The following KIF21A variants were observed in gnomAD, a reference collection of about 807,000 sequenced individuals.
The protein encoded by KIF21A is kinesin family member 21A.
A neutral mutation model predicts 202.9 loss-of-function variants in KIF21A; 114 were observed. The observed-to-expected ratio is 0.56, with a 90% CI of 0.48 to 0.66. The LOEUF (loss-of-function observed/expected upper bound fraction) is 0.66, where lower values mean the gene tolerates loss of function less well. Ranked by LOEUF, KIF21A falls within the 30% of genes least tolerant of loss-of-function variation. The pLI, the probability that KIF21A is intolerant of heterozygous loss-of-function variation, is 0.00. For missense variants in KIF21A, 1,677 were observed against 1,994.9 expected, an observed-to-expected ratio of 0.84 and a Z score of 3.04; for synonymous variants, 667 against 670.8, an observed-to-expected ratio of 0.99 and a Z score of 0.09.
At chr12:39,357,692 G>A (rs1464946734) in intron 8 of KIF21A, among the ~76,000 whole-genome samples, 4 of 151,524 alleles carry the variant, frequency 2.6e-5, no homozygotes, top group Admixed American at 6.6e-5. Context: ...GGCAGATCAC[G>A]TGAGGTCAGG....
At chr12:39,417,332 C>G (rs1335935006) in intron 1 of KIF21A, among the ~76,000 whole-genome samples, 1 of 152,040 alleles carries the variant, frequency 6.6e-6, no homozygotes, top group African/African-American at 2.4e-5. Flanking sequence ...ACAGAAAATT[C>G]TCCAGTAGAT....
intron 1 of KIF21A, among the ~76,000 whole-genome samples, chr12:39,428,417 C>T (rs1954926793): frequency 6.6e-6 from 1 of 152,146 alleles, no homozygotes; most frequent in South Asian, 2.1e-4. Context: ...TCAACCCAAA[C>T]AAAACTAGTT....
rs560662403 is a variant in KIF21A, at chr12:39,346,412, G to A, written c.1712+54C>T. On this transcript the variant is annotated intron_variant, in intron 12 of 37. Transcript: ENST00000361418. Reference sequence around the variant, plus strand: ...TACTATAACACATTTCCTTGTGAATGGCAACTAAGTATTTAAACGACATTT... The same window carrying A: ...TACTATAACACATTTCCTTGTGAATAGCAACTAAGTATTTAAACGACATTT... 208 of 1,284,034 alleles carry A rather than the reference G, an allele frequency of 1.6e-4. 2 individuals are homozygous for A. The South Asian group carries it at 3.5e-3, about 21-fold the overall frequency. The allele number at this position is 1,284,034 out of a possible 1,614,324, so 79.5% of individuals were successfully genotyped here. A position where few individuals can be genotyped will look rare whatever the true frequency, so the allele number is the denominator to read the frequency against.
At chr12:39,369,441 C>A (rs1394465058) in intron 3 of KIF21A, among the ~76,000 whole-genome samples, 1 of 152,046 alleles carries the variant, frequency 6.6e-6, no homozygotes, top group African/African-American at 2.4e-5. Flanking sequence ...ACCTGGGTGA[C>A]AGAATGAGAC....
At chr12:39,433,728 TA>T (rs1292162753) in intron 1 of KIF21A, among the ~76,000 whole-genome samples, 2 of 152,080 alleles carry the variant, frequency 1.3e-5, no homozygotes, top group Non-Finnish European at 2.9e-5. Context: ...AAAGAAAGAA[TA>T]AAAATAGTGA....
chr12:39,357,244 A>AT lies in KIF21A; in HGVS notation c.1405+3dup. On this transcript the variant is annotated splice_donor_region_variant and intron_variant, in intron 9 of 37. Coordinates refer to ENST00000361418, the MANE Select transcript of KIF21A (RefSeq NM_001173464.2). Reference sequence around the variant, plus strand: ...CCCTCACTTATCCCACCCTACCCACATACCTGCTCTGGCAAGAACATGGTT... The same window carrying AT: ...CCCTCACTTATCCCACCCTACCCACATTACCTGCTCTGGCAAGAACATGGTT... The AT allele has an allele frequency of 1.2e-6, 2 of 1,614,008 alleles. No homozygotes were observed. Among genetic ancestry groups the AT allele is most frequent in the Non-Finnish European group, 1.7e-6 (2 of 1,179,870 alleles).
intron 1 of KIF21A, among the ~76,000 whole-genome samples, chr12:39,397,669 C>A (rs1951861465): frequency 6.6e-6 from 1 of 152,288 alleles, no homozygotes; most frequent in Non-Finnish European, 1.5e-5. Context: ...GGTTCCTGAG[C>A]CTCACCGAAG....
In KIF21A at chr12:39,423,763, C is replaced by T. The variant is rs1954507078; in HGVS notation, c.44+19164G>A. On this transcript the variant is annotated intron_variant, in intron 1 of 37. Transcript: ENST00000361418. Reference sequence around the variant, plus strand: ...CTTTGGGAAGGCAAGGCAGGTGGATCACGATGTCAAGAGATCGAGACCACC... The same window carrying T: ...CTTTGGGAAGGCAAGGCAGGTGGATTACGATGTCAAGAGATCGAGACCACC... 2.0e-5 allele frequency among the ~76,000 whole-genome samples: 3 copies of T among 152,014 alleles called. No homozygotes were observed. In the South Asian group the frequency reaches 6.2e-4, roughly 32 times the overall value.
chr12:39,416,765 A>ATATATGTACATATATATGTG (rs1566269938), intron 1 of KIF21A, among the ~76,000 whole-genome samples: 28 of 75,652 alleles, frequency 3.7e-4, no homozygotes, highest in African/African-American at 2.1e-3. Flanking sequence ...ATATATGTGT[A>ATATATGTACATATATATGTG]TATATATATG....
intron 1 of KIF21A, among the ~76,000 whole-genome samples, chr12:39,424,892 C>T (rs968609069): frequency 6.6e-6 from 1 of 152,140 alleles, no homozygotes; most frequent in Non-Finnish European, 1.5e-5. Flanking sequence ...ACTTGAAGCT[C>T]TCTAAAGATT....
intron 10 of KIF21A, among the ~76,000 whole-genome samples, chr12:39,355,039 C>A (rs754606833): frequency 1.2e-4 from 18 of 152,196 alleles, no homozygotes; most frequent in Middle Eastern, 3.4e-3. Flanking sequence ...AAATTATAAT[C>A]CTGGCCTTCT....
chr12:39,294,222 C>A lies in KIF21A; in HGVS notation c.*202G>T. ...AATATATCAATTGTAGGATATATAT[C>A]TATTGGTTGATCTTAAAACTAAGCA... On this transcript the variant is annotated 3_prime_UTR_variant, in exon 38 of 38. Transcript: ENST00000361418. The A allele has an allele frequency of 1.9e-6, 1 of 529,522 alleles. No homozygotes were observed. Among genetic ancestry groups the A allele is most frequent in the Non-Finnish European group, 3.4e-6 (1 of 292,254 alleles). The allele number at this position is 529,522 out of a possible 1,614,324, so 32.8% of individuals were successfully genotyped here. A position where few individuals can be genotyped will look rare whatever the true frequency, so the allele number is the denominator to read the frequency against.
At chr12:39,429,804 G>A (rs964274245) in intron 1 of KIF21A, among the ~76,000 whole-genome samples, 1 of 152,054 alleles carries the variant, frequency 6.6e-6, no homozygotes, top group East Asian at 1.9e-4. Flanking sequence ...GAAAAATAGA[G>A]TTTCAGGTAG....
At chr12:39,395,442 C>T (rs973694360) in intron 1 of KIF21A, among the ~76,000 whole-genome samples, 2 of 150,174 alleles carry the variant, frequency 1.3e-5, no homozygotes, top group African/African-American at 2.4e-5. Context: ...AAAGCTTCTT[C>T]CGCCATGTTT....
chr12:39,384,315 A>C (rs563060239), intron 1 of KIF21A, among the ~76,000 whole-genome samples: 2 of 152,338 alleles, frequency 1.3e-5, no homozygotes, highest in South Asian at 4.1e-4. Flanking sequence ...AATTTTATTA[A>C]TATGCCATTC....
chr12:39,370,121 T>C lies in KIF21A; in HGVS notation c.185A>G (p.Glu62Gly), dbSNP rs1280148553. 1.2e-6 allele frequency: 2 copies of C among 1,613,262 alleles called. No individual in the cohort carries two copies. Among genetic ancestry groups the C allele is most frequent in the Non-Finnish European group, 8.5e-7 (1 of 1,179,594 alleles). Residue 62 changes from glutamate to glycine, a missense_variant, in exon 2 of 38, where the codon GAG becomes GGG. Physicochemically the swap from Glu to Gly is moderately conservative, Grantham distance 98. Around this residue, in one of 3 missense-constraint regions of KIF21A, gnomAD observed 966 missense variants for 1,180.9 expected, o/e 0.82. Transcript: ENST00000361418. Reference sequence around the variant, plus strand: ...TTCTATACATTGAATGTAGATCTGCTCTTGCTGGGAGTCAATGTCAAATAC... The same window carrying C: ...TTCTATACATTGAATGTAGATCTGCCCTTGCTGGGAGTCAATGTCAAATAC... ...DYVFDIDSQQ[E>G]QIYIQCIEKL... is the part of the protein sequence containing the mutation.
At chr12:39,340,871 C>T in intron 15 of KIF21A, 35 bp downstream of exon 15, 2 of 1,465,068 alleles carry the variant, frequency 1.4e-6, no homozygotes, top group Non-Finnish European at 1.9e-6. Flanking sequence ...GAAGATTTAG[C>T]TTGAACTTTC....
At chr12:39,376,271 T>C (rs1012905179) in intron 1 of KIF21A, among the ~76,000 whole-genome samples, 1 of 152,152 alleles carries the variant, frequency 6.6e-6, no homozygotes, top group Non-Finnish European at 1.5e-5. Context: ...TACACCTCCA[T>C]TCATAAAAAG....
chr12:39,368,193 A>C (rs1326730018), intron 3 of KIF21A, among the ~76,000 whole-genome samples, 161 bp from the exon 4 acceptor site: 3 of 152,188 alleles, frequency 2.0e-5, no homozygotes, highest in African/African-American at 4.8e-5. Context: ...CTATTATTAT[A>C]ACAATTATAA....
Sources: allele counts gnomAD v4.1 joint callset (sites outside exome capture counted in the v4.1 genomes callset), GRCh38; gene constraint gnomAD v4.1.1; regional missense constraint gnomAD v4.1.1; transcripts MANE v1.5; gene names NCBI Gene and HGNC (gene_info 2026-07-23, HGNC 2026-07-21).